PCDHGB1: variants seen among roughly 807,000 people sequenced by gnomAD.
PCDHGB1 encodes protocadherin gamma subfamily B, 1.
A neutral mutation model predicts 56.6 loss-of-function variants in PCDHGB1; 34 were observed. The observed-to-expected ratio is 0.60, with a 90% CI of 0.46 to 0.80. The LOEUF (loss-of-function observed/expected upper bound fraction) is 0.80, where lower values mean the gene tolerates loss of function less well. Ranked by LOEUF, PCDHGB1 falls within the 30% of genes least tolerant of loss-of-function variation. The pLI is 0.00. For missense variants in PCDHGB1, 1,278 were observed against 1,204.6 expected (o/e 1.06, Z -0.90); for synonymous variants, 561 against 505.9 (o/e 1.11, Z -1.46).
At chr5:141,412,084 G>C (rs1199665555) in intron 1 of PCDHGB1, 1 of 152,170 alleles carries the variant, frequency 6.6e-6, no homozygotes, top group East Asian at 1.9e-4. Flanking sequence ...ATTGCTACTG[G>C]GTTGATGGGC....
intron 1 of PCDHGB1, chr5:141,365,681 A>T: frequency 6.2e-7 from 1 of 1,613,224 alleles, no homozygotes. Flanking sequence ...CAACCCACCC[A>T]ATTTCCCTCA....
chr5:141,509,516 T>C (rs2099877144), intron 3 of PCDHGB1, among the ~76,000 whole-genome samples: 1 of 152,130 alleles, frequency 6.6e-6, no homozygotes, highest in Non-Finnish European at 1.5e-5. Context: ...GTGTTGATGA[T>C]GTATTGCACA....
chr5:141,410,623 G>A (rs2154543147), intron 1 of PCDHGB1: 1 of 1,603,052 alleles, frequency 6.2e-7, no homozygotes, highest in Non-Finnish European at 8.5e-7. Flanking sequence ...TGACTTCGGT[G>A]AGTTTCTCTT....
chr5:141,487,968 T>C lies in PCDHGB1; in HGVS notation c.2410-6839T>C, dbSNP rs2099670029. Among the ~76,000 whole-genome samples the C allele has an allele frequency of 6.6e-6, 1 of 152,236 alleles. No individual in the cohort carries two copies. The highest frequency in any genetic ancestry group is 1.5e-5 in the Non-Finnish European group (1 of 68,050). On this transcript the variant is annotated intron_variant, in intron 1 of 3. Transcript: ENST00000523390. This position sits in a 1 kb window ranked among gnomAD's most constrained non-coding sequence, Gnocchi z 5.0. The stretch of plus-strand genomic sequence containing the variant: ...AGGCAGTCACTTGGACAAAGGTGGC[T>C]GTTTTCTCTACTCTTCCTGAAAGAG...
intron 1 of PCDHGB1, among the ~76,000 whole-genome samples, chr5:141,465,137 GGGGA>G (rs2099097662): frequency 2.0e-5 from 3 of 151,520 alleles, no homozygotes; most frequent in Non-Finnish European, 4.4e-5. Context: ...AAAAAGTTTA[GGGGA>G]TATATGAAGG....
At chr5:141,510,132 G>A (rs920772998) in intron 3 of PCDHGB1, among the ~76,000 whole-genome samples, 2 of 152,120 alleles carry the variant, frequency 1.3e-5, no homozygotes, top group African/African-American at 4.8e-5. Context: ...AAATTAGCTG[G>A]GCTAGTGGTG....
chr5:141,479,845 A>T (rs895639749), intron 1 of PCDHGB1, among the ~76,000 whole-genome samples: 4 of 152,210 alleles, frequency 2.6e-5, no homozygotes, highest in Admixed American at 1.3e-4. Flanking sequence ...ATGCAAGGTG[A>T]CTGCAAGGCC....
chr5:141,389,524 G>A, intron 1 of PCDHGB1: 5 of 1,613,146 alleles, frequency 3.1e-6, no homozygotes, highest in South Asian at 1.1e-5. Context: ...GTGAGCCTGC[G>A]CGTGTTAGTG....
At chr5:141,451,302 G>A (rs1445994098) in intron 1 of PCDHGB1, among the ~76,000 whole-genome samples, 1 of 152,208 alleles carries the variant, frequency 6.6e-6, no homozygotes, top group Non-Finnish European at 1.5e-5. Context: ...GTCTTACAAG[G>A]CAGCAATTAA....
At chr5:141,413,729 G>C (rs2095671676) in intron 1 of PCDHGB1, 1 of 1,613,378 alleles carries the variant, frequency 6.2e-7, no homozygotes, top group Non-Finnish European at 8.5e-7. Flanking sequence ...TTCTCCCTAA[G>C]AGTTCAGAGC....
chr5:141,412,183 C>A (rs1243084028), intron 1 of PCDHGB1: 1 of 152,188 alleles, frequency 6.6e-6, no homozygotes, highest in African/African-American at 2.4e-5. Context: ...GGTATTAATG[C>A]TCTGATGAAA....
chr5:141,386,030 A>G (rs2090434667), intron 1 of PCDHGB1: 1 of 152,256 alleles, frequency 6.6e-6, no homozygotes, highest in African/African-American at 2.4e-5. Flanking sequence ...CATTTGTGAC[A>G]TAGGCAATTA....
Position 141,351,742 on chromosome 5 carries a change from G to A in PCDHGB1, c.1482G>A (p.Pro494=), listed in dbSNP as rs772414660. The A allele has an allele frequency of 8.7e-6, 14 of 1,613,558 alleles. No individual in the cohort carries two copies. The highest frequency in any genetic ancestry group is 5.0e-5 in the Admixed American group (3 of 60,018). ...SYSILASDLE[P]RELLSYVSVS... is the part of the protein sequence containing the mutation. ...CTATTCTGGCCAGTGACCTGGAGCC[G>A]CGGGAGCTGTTGTCCTACGTGTCCG... is the stretch of plus-strand genomic sequence containing the variant. The change falls in exon 1 of 4, where the codon CCG becomes CCA. Residue 494 remains proline, a synonymous_variant. Transcript: ENST00000523390.
intron 1 of PCDHGB1, among the ~76,000 whole-genome samples, chr5:141,463,314 A>G (rs1357327211): frequency 2.0e-5 from 3 of 151,098 alleles, no homozygotes; most frequent in Non-Finnish European, 2.9e-5. Context: ...TCTAATATCT[A>G]TTCCTCAACT....
At chr5:141,372,937 G>C (rs894509866) in intron 1 of PCDHGB1, 5 of 831,174 alleles carry the variant, frequency 6.0e-6, no homozygotes, top group Non-Finnish European at 9.0e-6. Context: ...GTGTAGAGTA[G>C]GGTGTCTAGG....
Position 141,490,826 on chromosome 5 carries a change from T to A in PCDHGB1, c.2410-3981T>A, listed in dbSNP as rs1195265146. ...ACCTTTGACTATGAATTGCTGCAGA[T>A]GCTGCAGATTGTGGTGGGGGTTCGA... On this transcript the variant is annotated intron_variant, in intron 1 of 3. Coordinates refer to ENST00000523390, the MANE Select transcript of PCDHGB1 (RefSeq NM_018922.3). The surrounding 1 kb of genome is among the most constrained non-coding windows in gnomAD (Gnocchi z 5.4). 6.2e-7 allele frequency: 1 copy of A among 1,613,736 alleles called. No homozygotes were observed. The highest frequency in any genetic ancestry group is 8.5e-7 in the Non-Finnish European group (1 of 1,179,796).
At chr5:141,360,919 C>G in intron 1 of PCDHGB1, 1 of 1,614,012 alleles carries the variant, frequency 6.2e-7, no homozygotes, top group Non-Finnish European at 8.5e-7. Context: ...CTTCTTTGTG[C>G]TTCAAGTGAC....
intron 3 of PCDHGB1, among the ~76,000 whole-genome samples, chr5:141,505,956 T>C (rs1177913983): frequency 6.6e-6 from 1 of 152,102 alleles, no homozygotes; most frequent in Non-Finnish European, 1.5e-5. Flanking sequence ...TGAAAGTGGG[T>C]GTAGAAATCC....
In PCDHGB1 at chr5:141,357,295, G is replaced by A. The variant is rs774772455; in HGVS notation, c.2409+4626G>A. 1.4e-5 allele frequency: 23 copies of A among 1,613,810 alleles called. No individual in the cohort carries two copies. In the African/African-American group the frequency reaches 2.5e-4, roughly 18 times the overall value. ...ACTCTATCTCGTGGTGGCAGTGGCC[G>A]CTGTCTCCTGCGTCTTCCTGGCTTT... On this transcript the variant is annotated intron_variant, in intron 1 of 3. Transcript: ENST00000523390.
Sources: allele counts gnomAD v4.1 joint callset (sites outside exome capture counted in the v4.1 genomes callset), GRCh38; gene constraint gnomAD v4.1.1; non-coding constraint Gnocchi (gnomAD v3.1); transcripts MANE v1.5; gene names NCBI Gene and HGNC (gene_info 2026-07-23, HGNC 2026-07-21).